GABRB1: variants seen among roughly 807,000 people sequenced by gnomAD.
GABRB1 encodes gamma-aminobutyric acid type A receptor subunit beta1.
Under a neutral mutation model 51.6 loss-of-function variants are expected in GABRB1, and 17 were observed. The ratio of observed to expected loss-of-function variants is 0.33; its 90% CI spans 0.23 to 0.49. The LOEUF (loss-of-function observed/expected upper bound fraction) is 0.49, where lower values mean the gene tolerates loss of function less well. GABRB1 is among the 20% of genes least tolerant of loss of function. GABRB1 has a pLI of 0.99. For synonymous variants in GABRB1, 247 were observed against 218.9 expected, an observed-to-expected ratio of 1.13 and a Z score of -1.14; for missense variants, 410 against 600.6, an observed-to-expected ratio of 0.68 and a Z score of 3.32.
At chr4:47,242,041 C>T (rs1420756223) in intron 4 of GABRB1, among the ~76,000 whole-genome samples, 1 of 151,818 alleles carries the variant, frequency 6.6e-6, no homozygotes, top group Non-Finnish European at 1.5e-5. Flanking sequence ...TCCCCCTCCA[C>T]CCACCCCACG....
chr4:47,270,094 T>G (rs902089051), intron 4 of GABRB1, among the ~76,000 whole-genome samples: 2 of 152,162 alleles, frequency 1.3e-5, no homozygotes, highest in Admixed American at 6.6e-5. Context: ...GCCTTTGGAT[T>G]CTTAGACTAT....
intron 4 of GABRB1, among the ~76,000 whole-genome samples, chr4:47,261,682 GA>G (rs1344463687): frequency 2.6e-5 from 4 of 151,638 alleles, no homozygotes; most frequent in Admixed American, 6.6e-5. Context: ...CACAGAATTG[GA>G]AAAAACTACT....
chr4:47,066,039 A>T (rs1031671446), intron 3 of GABRB1, among the ~76,000 whole-genome samples: 1 of 152,206 alleles, frequency 6.6e-6, no homozygotes, highest in African/African-American at 2.4e-5. Flanking sequence ...ATCAACTATA[A>T]GATGTATGGG....
At chr4:47,130,822 C>T (rs1280510300) in intron 3 of GABRB1, among the ~76,000 whole-genome samples, 1 of 152,118 alleles carries the variant, frequency 6.6e-6, no homozygotes. Flanking sequence ...TACAGTGCTT[C>T]ACATATAGTA....
intron 4 of GABRB1, among the ~76,000 whole-genome samples, chr4:47,283,787 A>C (rs1723393350): frequency 6.6e-6 from 1 of 152,066 alleles, no homozygotes; most frequent in African/African-American, 2.4e-5. Flanking sequence ...ATTGAAACAA[A>C]TGTAGAATTG....
At chr4:47,085,009 C>T (rs752007621) in intron 3 of GABRB1, among the ~76,000 whole-genome samples, 1 of 152,280 alleles carries the variant, frequency 6.6e-6, no homozygotes, top group African/African-American at 2.4e-5. Flanking sequence ...TGCCACTCAC[C>T]AGCTGTGGGA....
intron 3 of GABRB1, among the ~76,000 whole-genome samples, chr4:47,160,204 C>G (rs1396836680): frequency 6.6e-6 from 1 of 152,066 alleles, no homozygotes. Context: ...AGGGGGATAT[C>G]CTCTGTAATA....
At chr4:47,277,705 A>T (rs1723140476) in intron 4 of GABRB1, among the ~76,000 whole-genome samples, 1 of 152,046 alleles carries the variant, frequency 6.6e-6, no homozygotes. Context: ...AGGAGAAGAA[A>T]AAACATGAAT....
intron 1 of GABRB1, among the ~76,000 whole-genome samples, chr4:47,007,037 G>C (rs892726491): frequency 5.9e-5 from 9 of 152,114 alleles, no homozygotes; most frequent in Non-Finnish European, 1.3e-4. Context: ...CTACTTAGGA[G>C]GCTGGGGTCC....
intron 3 of GABRB1, among the ~76,000 whole-genome samples, chr4:47,091,560 C>T (rs542051918): frequency 4.2e-4 from 64 of 152,192 alleles, no homozygotes; most frequent in African/African-American, 1.5e-3. Context: ...TCACAATTGT[C>T]CATTCATTCT....
At chr4:47,229,204 G>A (rs548376553) in intron 4 of GABRB1, among the ~76,000 whole-genome samples, 1 of 152,222 alleles carries the variant, frequency 6.6e-6, no homozygotes, top group South Asian at 2.1e-4. Flanking sequence ...TTGAAACCTT[G>A]CATACTTATG....
At chr4:47,094,289 G>C (rs1194085143) in intron 3 of GABRB1, among the ~76,000 whole-genome samples, 4 of 143,868 alleles carry the variant, frequency 2.8e-5, no homozygotes, top group Non-Finnish European at 4.5e-5. Context: ...GCAGTGGCGT[G>C]ATGTCAGCTC....
chr4:47,284,995 C>T (rs1321258732), intron 4 of GABRB1, among the ~76,000 whole-genome samples: 3 of 152,162 alleles, frequency 2.0e-5, no homozygotes. Context: ...GGATTTCTAA[C>T]GTCATCGTGT....
chr4:47,123,348 T>G (rs983368640), intron 3 of GABRB1, among the ~76,000 whole-genome samples: 1 of 132,728 alleles, frequency 7.5e-6, no homozygotes, highest in Non-Finnish European at 1.5e-5. Flanking sequence ...ATATAATATA[T>G]ATTAGATAAT....
chr4:47,175,950 G>C (rs1408466953), intron 4 of GABRB1, among the ~76,000 whole-genome samples: 5 of 152,080 alleles, frequency 3.3e-5, no homozygotes, highest in African/African-American at 9.7e-5. Flanking sequence ...AGTAAGAGTA[G>C]AAAAATAAAT....
chr4:47,319,300 T>C (rs1381650168), intron 4 of GABRB1, among the ~76,000 whole-genome samples: 4 of 152,096 alleles, frequency 2.6e-5, no homozygotes, highest in Non-Finnish European at 5.9e-5. Context: ...ATACATTTAC[T>C]TGTATATATA....
chr4:47,062,644 C>T (rs140823432), intron 3 of GABRB1, among the ~76,000 whole-genome samples: 5 of 152,052 alleles, frequency 3.3e-5, no homozygotes, highest in African/African-American at 9.6e-5. Context: ...TTTCTATAGC[C>T]TTCTAATTCT....
chr4:47,210,447 A>T (rs867473985), intron 4 of GABRB1, among the ~76,000 whole-genome samples: 1 of 152,142 alleles, frequency 6.6e-6, no homozygotes, highest in Non-Finnish European at 1.5e-5. Context: ...TCAATTTCAT[A>T]TAAGCATTTG....
intron 5 of GABRB1, among the ~76,000 whole-genome samples, chr4:47,334,816 T>G (rs552155500): frequency 3.3e-5 from 5 of 152,296 alleles, no homozygotes; most frequent in African/African-American, 9.6e-5. Context: ...AAAGCATTTA[T>G]CCTTTTTTGA....
Sources: allele counts gnomAD v4.1 joint callset (sites outside exome capture counted in the v4.1 genomes callset), GRCh38; gene constraint gnomAD v4.1.1; transcripts MANE v1.5; gene names NCBI Gene and HGNC (gene_info 2026-07-23, HGNC 2026-07-21).